Variants in TAF4 observed in about 807,000 individuals in gnomAD.
The protein encoded by TAF4 is TATA-box binding protein associated factor 4.
In TAF4, 9 loss-of-function variants were observed where a neutral mutation model predicts 90.3. The observed-to-expected ratio is 0.10, with a 90% CI of 0.06 to 0.17. The LOEUF (loss-of-function observed/expected upper bound fraction) is 0.17, where lower values mean the gene tolerates loss of function less well. Among genes scored for constraint, TAF4 ranks in the 10% least tolerant of loss-of-function variants. The pLI is 1.00. For missense variants in TAF4, 1,351 were observed against 1,370.7 expected (o/e 0.99, Z 0.23); for synonymous variants, 818 against 638.9 (o/e 1.28, Z -4.23).
intron 5 of TAF4, 130 bp downstream of exon 5, chr20:62,008,922 C>A (rs532664364): frequency 1.6e-6 from 2 of 1,277,826 alleles, no homozygotes; most frequent in Non-Finnish European, 2.1e-6. Context: ...CCCTCCCCTT[C>A]GCCTGCAGCC....
intron 1 of TAF4, among the ~76,000 whole-genome samples, chr20:62,028,039 A>C (rs544269185): frequency 1.3e-5 from 2 of 152,340 alleles, no homozygotes; most frequent in Non-Finnish European, 1.5e-5. Flanking sequence ...CTGATTGCTC[A>C]CAGCCACCTC....
intron 14 of TAF4, among the ~76,000 whole-genome samples, chr20:61,985,454 G>C (rs1047263418): frequency 2.0e-5 from 3 of 152,034 alleles, no homozygotes; most frequent in African/African-American, 7.2e-5. Context: ...AAGTAAAAAT[G>C]AAAGGATAAA....
intron 1 of TAF4, among the ~76,000 whole-genome samples, chr20:62,049,565 G>T (rs2056014166): frequency 6.6e-6 from 1 of 150,788 alleles, no homozygotes; most frequent in South Asian, 2.1e-4. Flanking sequence ...ATCGTCCTGG[G>T]TCTCATCTAC....
chr20:62,050,498 G>C (rs1289887846), intron 1 of TAF4, among the ~76,000 whole-genome samples: 1 of 152,106 alleles, frequency 6.6e-6, no homozygotes, highest in Non-Finnish European at 1.5e-5. Flanking sequence ...GCAGCCCGGG[G>C]TGCTGGCAGC....
At chr20:62,021,074 A>G (rs1196902207) in intron 1 of TAF4, among the ~76,000 whole-genome samples, 3 of 152,154 alleles carry the variant, frequency 2.0e-5, no homozygotes, top group African/African-American at 7.2e-5. Context: ...CAGCCCTGAG[A>G]GCTCCACAGA....
At chr20:61,997,340 G>A (rs957869958) in intron 14 of TAF4, among the ~76,000 whole-genome samples, 15 of 152,128 alleles carry the variant, frequency 9.9e-5, no homozygotes. Context: ...ACTTCCTCAC[G>A]AAAAAGACTT....
At chr20:62,060,564 G>C (rs993050050) in intron 1 of TAF4, among the ~76,000 whole-genome samples, 1 of 152,256 alleles carries the variant, frequency 6.6e-6, no homozygotes, top group Non-Finnish European at 1.5e-5. Flanking sequence ...AGGGAGGAAG[G>C]GAAGACCCAG....
At chr20:62,060,398 A>C (rs1282109320) in intron 1 of TAF4, among the ~76,000 whole-genome samples, 1 of 152,234 alleles carries the variant, frequency 6.6e-6, no homozygotes, top group Non-Finnish European at 1.5e-5. Context: ...GGCTCCTAAG[A>C]GCGTCACAGG....
chr20:62,057,001 T>C (rs2056068425), intron 1 of TAF4, among the ~76,000 whole-genome samples: 2 of 152,206 alleles, frequency 1.3e-5, no homozygotes, highest in South Asian at 4.1e-4. Context: ...GGGCATGCTC[T>C]GAGCACCGTG....
At chr20:62,046,957 A>T (rs1270870789) in intron 1 of TAF4, among the ~76,000 whole-genome samples, 11 of 152,152 alleles carry the variant, frequency 7.2e-5, no homozygotes, top group Non-Finnish European at 5.9e-5. Flanking sequence ...CGTACTCTGG[A>T]CACCAGTTCT....
chr20:62,040,928 C>G (rs1447098210), intron 1 of TAF4, among the ~76,000 whole-genome samples: 1 of 152,270 alleles, frequency 6.6e-6, no homozygotes. Flanking sequence ...TAGCCAAAAA[C>G]TGGAAACATG....
chr20:62,064,845 G>C lies in TAF4; in HGVS notation c.966C>G (p.Pro322=), dbSNP rs1311793763. The C allele has an allele frequency of 1.0e-6, 1 of 968,814 alleles. No individual in the cohort carries two copies. Among genetic ancestry groups the C allele is most frequent in the African/African-American group, 1.8e-5 (1 of 55,504 alleles). The allele number at this position is 968,814 out of a possible 1,614,324, so 60.0% of individuals were successfully genotyped here. A position where few individuals can be genotyped will look rare whatever the true frequency, so the allele number is the denominator to read the frequency against. ...GCCCGGGTTGGCCGCTGACCCCCGC[G>C]GGGCCCCCGGCGGCCGGGGCGGGGG... ...APAPAPAAGG[P]AGVSGQPGPG... The change falls in exon 1 of 15, where the codon CCC becomes CCG. Residue 322 remains proline (P), a synonymous_variant. Coordinates refer to ENST00000252996, the MANE Select transcript of TAF4 (RefSeq NM_003185.4).
intron 3 of TAF4, among the ~76,000 whole-genome samples, chr20:62,011,666 G>A: frequency 6.6e-6 from 1 of 152,172 alleles, no homozygotes; most frequent in East Asian, 1.9e-4. Context: ...CGGGGTTGCG[G>A]GGGGAGCTGC....
At chr20:62,017,704 G>C (rs2055820211) in intron 1 of TAF4, among the ~76,000 whole-genome samples, 1 of 151,988 alleles carries the variant, frequency 6.6e-6, no homozygotes, top group Non-Finnish European at 1.5e-5. Context: ...CAGGTGTGGT[G>C]GTGCATGCCT....
chr20:62,018,552 G>A (rs897887159), intron 1 of TAF4, among the ~76,000 whole-genome samples: 8 of 152,234 alleles, frequency 5.3e-5, no homozygotes, highest in African/African-American at 1.7e-4. Context: ...GGTACACGTG[G>A]CAGGTGTGGC....
At chr20:62,050,960 C>T (rs891064039) in intron 1 of TAF4, among the ~76,000 whole-genome samples, 1 of 152,192 alleles carries the variant, frequency 6.6e-6, no homozygotes, top group Non-Finnish European at 1.5e-5. Context: ...GGCAGGGCCC[C>T]TCCCACAGAG....
intron 1 of TAF4, among the ~76,000 whole-genome samples, chr20:62,047,901 T>C (rs892247285): frequency 9.2e-5 from 14 of 152,160 alleles, no homozygotes; most frequent in Admixed American, 3.3e-4. Context: ...CCGGGATTCC[T>C]CGCCGAGATG....
At chr20:62,040,970 A>T (rs2055960523) in intron 1 of TAF4, among the ~76,000 whole-genome samples, 1 of 152,274 alleles carries the variant, frequency 6.6e-6, no homozygotes, top group Non-Finnish European at 1.5e-5. Context: ...TGTATAGCGT[A>T]CATCCAAACA....
At chr20:62,061,711 C>T (rs1200177008) in intron 1 of TAF4, among the ~76,000 whole-genome samples, 3 of 152,194 alleles carry the variant, frequency 2.0e-5, no homozygotes. Flanking sequence ...TAGTGCTTTT[C>T]CGTGATCTTG....
Sources: gnomAD v4.1 joint callset for allele counts (sites outside exome capture counted in the v4.1 genomes callset) on GRCh38, gnomAD v4.1.1 for gene constraint, MANE v1.5 for transcripts, NCBI Gene and HGNC (gene_info 2026-07-23, HGNC 2026-07-21) for gene names.